The following ITGA9 variants were observed in gnomAD, a reference collection of about 807,000 sequenced individuals.
ITGA9 encodes the protein integrin subunit alpha 9, also known as integrin alpha-9.
In ITGA9, 56 loss-of-function variants were observed where a neutral mutation model predicts 127.8. That is an observed-to-expected ratio of 0.44 (90% CI 0.35 to 0.55). The LOEUF (loss-of-function observed/expected upper bound fraction) is 0.55. Among genes scored for constraint, ITGA9 ranks in the 20% least tolerant of loss-of-function variants. The pLI is 0.00. For missense variants in ITGA9, 1,196 were observed against 1,347.1 expected (o/e 0.89, Z 1.76); for synonymous variants, 508 against 514.5 (o/e 0.99, Z 0.17).
intron 15 of ITGA9, among the ~76,000 whole-genome samples, chr3:37,574,803 C>T (rs751546920): frequency 3.9e-5 from 6 of 152,070 alleles, no homozygotes; most frequent in Middle Eastern, 3.2e-3. Context: ...TCAGCCCTTC[C>T]GGGTGGTGAA....
intron 17 of ITGA9, among the ~76,000 whole-genome samples, chr3:37,668,575 G>T (rs1270305476): frequency 2.6e-5 from 4 of 152,210 alleles, no homozygotes; most frequent in African/African-American, 7.2e-5. Flanking sequence ...GTGTGGCTGT[G>T]TGTGTTGGTC....
intron 4 of ITGA9, among the ~76,000 whole-genome samples, chr3:37,490,782 A>G (rs1698661834): frequency 6.6e-6 from 1 of 152,164 alleles, no homozygotes; most frequent in East Asian, 1.9e-4. Context: ...CAGCTAAACC[A>G]AGGAAAATAC....
At chr3:37,725,131 C>T (rs942032742) in intron 18 of ITGA9, among the ~76,000 whole-genome samples, 1 of 152,338 alleles carries the variant, frequency 6.6e-6, no homozygotes, top group Admixed American at 6.5e-5. Context: ...ACAGTTCACC[C>T]TCTGCATCTC....
intron 24 of ITGA9, 86 bp from the exon 25 acceptor site, chr3:37,779,816 T>A: frequency 7.3e-7 from 1 of 1,363,842 alleles, no homozygotes; most frequent in South Asian, 1.2e-5. Flanking sequence ...AGTCACCAAG[T>A]TCATGGAGCC....
intron 17 of ITGA9, among the ~76,000 whole-genome samples, chr3:37,667,077 G>T (rs1205543029): frequency 2.6e-5 from 4 of 152,120 alleles, no homozygotes; most frequent in Admixed American, 6.5e-5. Flanking sequence ...TTGGGGTCAG[G>T]GTGGGGAGTG....
chr3:37,556,409 G>C (rs1382833199), intron 15 of ITGA9, among the ~76,000 whole-genome samples: 1 of 152,184 alleles, frequency 6.6e-6, no homozygotes, highest in African/African-American at 2.4e-5. Context: ...GAAGCAGATG[G>C]TGAGAAGAAA....
chr3:37,541,968 G>A (rs1699277191), intron 14 of ITGA9, among the ~76,000 whole-genome samples: 1 of 152,196 alleles, frequency 6.6e-6, no homozygotes, highest in South Asian at 2.1e-4. Context: ...AGACGAGATG[G>A]TTCCCTTGTG....
intron 1 of ITGA9, among the ~76,000 whole-genome samples, chr3:37,469,051 A>G (rs951283901): frequency 2.6e-5 from 4 of 152,224 alleles, no homozygotes; most frequent in African/African-American, 4.8e-5. Flanking sequence ...TTCCGGAAAC[A>G]ATGCATAAAA....
chr3:37,640,931 C>CCTTCCTGGGAAGCCGG (rs1254950401), intron 16 of ITGA9, among the ~76,000 whole-genome samples: 1 of 152,168 alleles, frequency 6.6e-6, no homozygotes, highest in African/African-American at 2.4e-5. Context: ...CCTGCTGTTC[C>CCTTCCTGGGAAGCCGG]CTTCCTGGGA....
At chr3:37,555,399 C>T (rs1456838656) in intron 15 of ITGA9, among the ~76,000 whole-genome samples, 1 of 152,242 alleles carries the variant, frequency 6.6e-6, no homozygotes, top group Non-Finnish European at 1.5e-5. Context: ...ACTGTGAGCA[C>T]TTAAAATGTG....
At chr3:37,497,793 A>G (rs538218326) in intron 5 of ITGA9, among the ~76,000 whole-genome samples, 1 of 152,164 alleles carries the variant, frequency 6.6e-6, no homozygotes, top group Non-Finnish European at 1.5e-5. Context: ...ACTTGAGTCA[A>G]TAGGCAGTGG....
chr3:37,621,302 A>G (rs889869344), intron 15 of ITGA9, among the ~76,000 whole-genome samples: 5 of 152,336 alleles, frequency 3.3e-5, no homozygotes, highest in African/African-American at 1.2e-4. Context: ...AGTTTTGGGT[A>G]TGTCTTTATC....
At chr3:37,727,031 T>C (rs1039130197) in intron 18 of ITGA9, among the ~76,000 whole-genome samples, 1 of 152,174 alleles carries the variant, frequency 6.6e-6, no homozygotes, top group African/African-American at 2.4e-5. Context: ...TACTTAAACA[T>C]GCTTAGAACA....
intron 14 of ITGA9, among the ~76,000 whole-genome samples, chr3:37,534,294 T>G (rs2162355): frequency 0.056 from 8,504 of 152,348 alleles, 284 homozygotes; most frequent in East Asian, 0.094. Context: ...TAGATATTTT[T>G]AATGTCATGA....
intron 18 of ITGA9, among the ~76,000 whole-genome samples, chr3:37,693,843 G>A (rs532410382): frequency 3.9e-5 from 6 of 152,240 alleles, no homozygotes; most frequent in South Asian, 4.1e-4. Context: ...TTCATTCAGC[G>A]CAGGGACTGA....
At chr3:37,476,557 T>G (rs999500837) in intron 3 of ITGA9, among the ~76,000 whole-genome samples, 2 of 152,184 alleles carry the variant, frequency 1.3e-5, no homozygotes, top group African/African-American at 4.8e-5. Flanking sequence ...TTATTGTTGT[T>G]GAGTTATCCT....
intron 4 of ITGA9, among the ~76,000 whole-genome samples, chr3:37,493,256 A>T (rs1298690834): frequency 6.6e-6 from 1 of 152,168 alleles, no homozygotes; most frequent in Non-Finnish European, 1.5e-5. Flanking sequence ...TGGAGTAGAC[A>T]CTCAGAACGG....
chr3:37,609,138 C>T (rs1323906749), intron 15 of ITGA9, among the ~76,000 whole-genome samples: 1 of 152,140 alleles, frequency 6.6e-6, no homozygotes, highest in Non-Finnish European at 1.5e-5. Flanking sequence ...TCTATGCTTG[C>T]CCGCCTCTTC....
chr3:37,506,309 C>T (rs938014539), intron 7 of ITGA9, among the ~76,000 whole-genome samples: 2 of 152,096 alleles, frequency 1.3e-5, no homozygotes, highest in Admixed American at 6.6e-5. Context: ...TGCACACTCT[C>T]ATCTGAGGTT....
Sources: gnomAD v4.1 joint callset for allele counts (sites outside exome capture counted in the v4.1 genomes callset) on GRCh38, gnomAD v4.1.1 for gene constraint, MANE v1.5 for transcripts, NCBI Gene and HGNC (gene_info 2026-07-23, HGNC 2026-07-21) for gene names.